Variants in DDX60L observed in about 807,000 individuals in gnomAD.
DDX60L encodes probable ATP-dependent RNA helicase DDX60-like.
A neutral mutation model predicts 211.6 loss-of-function variants in DDX60L; 191 were observed. The observed-to-expected ratio is 0.90, with a 90% CI of 0.80 to 1.02. The LOEUF (loss-of-function observed/expected upper bound fraction) is 1.02, where lower values mean the gene tolerates loss of function less well. DDX60L is among the 50% of genes least tolerant of loss of function. DDX60L has a pLI of 0.00. For missense variants in DDX60L, 2,007 were observed against 1,984.1 expected, an observed-to-expected ratio of 1.01 and a Z score of -0.22; for synonymous variants, 706 against 694.1, an observed-to-expected ratio of 1.02 and a Z score of -0.27.
Position 168,457,924 on chromosome 4 carries a change from CA to C in DDX60L, c.690del (p.Phe230LeufsTer4). The part of the protein sequence containing the change: ...EIRVLVLATH[F>X]EHLKWNDMME... ...ATCATATCATTCCATTTCAAATGTT[CA>C]AAATGAGTTGCTAATACTAAAACCC... On this transcript the variant is annotated frameshift_variant, in exon 6 of 38. Coordinates refer to ENST00000682922, the MANE Select transcript of DDX60L (RefSeq NM_001012967.3). LOFTEE classifies it high-confidence loss of function. The C allele has an allele frequency of 6.4e-7, 1 of 1,561,620 alleles. No individual in the cohort carries two copies. The highest frequency in any genetic ancestry group is 8.7e-7 in the Non-Finnish European group (1 of 1,151,400).
rs878905619 is a variant in DDX60L at position 168,422,508 on chromosome 4, T to C, written c.2244+16A>G. ...AGTCACACTGATTAGAAAAGTACAA[T>C]GTTTGTTGTCATTACCTGCCATGCG... On this transcript the variant is annotated intron_variant, in intron 16 of 37. Coordinates refer to ENST00000682922, the MANE Select transcript of DDX60L (RefSeq NM_001012967.3). 4 of 1,602,632 alleles carry C rather than the reference T, an allele frequency of 2.5e-6. No homozygotes were observed. The highest frequency in any genetic ancestry group is 2.3e-5 in the South Asian group (2 of 88,176).
chr4:168,379,921 G>T, intron 30 of DDX60L, 91 bp from the exon 31 acceptor site: 1 of 796,672 alleles, frequency 1.3e-6, no homozygotes, highest in Non-Finnish European at 1.9e-6. Context: ...ATACTATATA[G>T]ATAAGGTTAC....
intron 36 of DDX60L, among the ~76,000 whole-genome samples, chr4:168,370,763 CTT>C (rs1044765478): frequency 3.5e-4 from 53 of 152,052 alleles, no homozygotes; most frequent in Admixed American, 2.2e-3. Flanking sequence ...ATATTTAAAA[CTT>C]ATTTTTATCA....
intron 37 of DDX60L, among the ~76,000 whole-genome samples, chr4:168,359,657 CTA>C (rs1165655007): frequency 2.6e-5 from 4 of 152,196 alleles, no homozygotes; most frequent in African/African-American, 4.8e-5. Flanking sequence ...AAACATAGAT[CTA>C]TGTCGTACTC....
At chr4:168,387,654 C>G (rs1744135146) in intron 29 of DDX60L, among the ~76,000 whole-genome samples, 1 of 152,108 alleles carries the variant, frequency 6.6e-6, no homozygotes. Context: ...ATGCTGGCTA[C>G]AGAAATTGTG....
At chr4:168,473,543 C>T (rs527597690) in intron 1 of DDX60L, among the ~76,000 whole-genome samples, 6 of 152,258 alleles carry the variant, frequency 3.9e-5, no homozygotes, top group Admixed American at 6.5e-5. Context: ...GGGAGTGTCA[C>T]AGATGACTCC....
At chr4:168,419,805 T>C (rs1204935675) in intron 18 of DDX60L, among the ~76,000 whole-genome samples, 1 of 152,250 alleles carries the variant, frequency 6.6e-6, no homozygotes, top group Non-Finnish European at 1.5e-5. Flanking sequence ...GGTAGTCATT[T>C]AGTAATGCAT....
Position 168,476,592 on chromosome 4 carries a change from G to A in DDX60L, c.-110-3783C>T, listed in dbSNP as rs192726629. Among the ~76,000 whole-genome samples the A allele has an allele frequency of 1.2e-3, 190 of 152,232 alleles. 1 individual carries two copies. The highest frequency in any genetic ancestry group is 2.2e-3 in the Non-Finnish European group (151 of 68,010). On this transcript the variant is annotated intron_variant, in intron 1 of 37. Transcript: ENST00000682922. ...AAGAGGGAATCCTATAGATTAAAAA[G>A]CAAGACATTTATACACCAACTGTAA...
intron 26 of DDX60L, among the ~76,000 whole-genome samples, chr4:168,397,719 G>C (rs976044311): frequency 2.0e-5 from 3 of 152,232 alleles, no homozygotes; most frequent in African/African-American, 7.2e-5. Flanking sequence ...AGAACTGATG[G>C]CAGCAGTGGC....
At chr4:168,421,997 T>G in intron 16 of DDX60L, 88 bp from the exon 17 acceptor site, 1 of 1,532,582 alleles carries the variant, frequency 6.5e-7, no homozygotes. Context: ...TTCTGTCTCC[T>G]GTGCCTGTAT....
intron 19 of DDX60L, among the ~76,000 whole-genome samples, chr4:168,417,076 C>T (rs1749695780): frequency 6.6e-6 from 1 of 152,254 alleles, no homozygotes; most frequent in African/African-American, 2.4e-5. Context: ...GCCACCATCA[C>T]CTGGCTTTCT....
chr4:168,430,096 G>T (rs1031307440), intron 13 of DDX60L, among the ~76,000 whole-genome samples: 3 of 152,206 alleles, frequency 2.0e-5, no homozygotes, highest in Non-Finnish European at 2.9e-5. Flanking sequence ...CTACTTGGGA[G>T]GCTGAGGAAG....
chr4:168,417,595 T>C (rs143921571), intron 19 of DDX60L, among the ~76,000 whole-genome samples: 44 of 152,348 alleles, frequency 2.9e-4, no homozygotes, highest in African/African-American at 9.4e-4. Flanking sequence ...AGAGTTTGTA[T>C]CACAATGTTT....
At chr4:168,422,083 C>A (rs999226979) in intron 16 of DDX60L, among the ~76,000 whole-genome samples, 174 bp from the exon 17 acceptor site, 2 of 152,228 alleles carry the variant, frequency 1.3e-5, no homozygotes, top group Non-Finnish European at 2.9e-5. Context: ...CAGGAAAATA[C>A]CTGGATTACT....
intron 33 of DDX60L, among the ~76,000 whole-genome samples, chr4:168,378,067 T>C (rs1357344598): frequency 6.6e-6 from 1 of 152,186 alleles, no homozygotes; most frequent in Non-Finnish European, 1.5e-5. Context: ...AGTAGGGCTG[T>C]CATTCTATTT....
intron 9 of DDX60L, among the ~76,000 whole-genome samples, chr4:168,444,290 C>A (rs1754407552): frequency 8.2e-6 from 1 of 122,300 alleles, no homozygotes; most frequent in South Asian, 3.1e-4. Flanking sequence ...AAGGCCATTA[C>A]ATAATGGTAA....
At chr4:168,451,498 TTCAAAG>T (rs1755794000) in intron 8 of DDX60L, among the ~76,000 whole-genome samples, 5 of 152,190 alleles carry the variant, frequency 3.3e-5, no homozygotes, top group Non-Finnish European at 5.9e-5. Context: ...CCCTGTCAGT[TTCAAAG>T]CCTAAAGAAC....
intron 37 of DDX60L, among the ~76,000 whole-genome samples, chr4:168,360,142 C>T (rs1738858421): frequency 6.6e-6 from 1 of 152,160 alleles, no homozygotes; most frequent in South Asian, 2.1e-4. Context: ...TCAATCATAG[C>T]ACTTACCACA....
At chr4:168,474,193 G>A (rs1169133799) in intron 1 of DDX60L, among the ~76,000 whole-genome samples, 1 of 152,196 alleles carries the variant, frequency 6.6e-6, no homozygotes, top group Admixed American at 6.5e-5. Context: ...GATTGCTACA[G>A]ACAGTATCTC....
Sources: gnomAD v4.1 joint callset for allele counts (sites outside exome capture counted in the v4.1 genomes callset) on GRCh38, gnomAD v4.1.1 for gene constraint, MANE v1.5 for transcripts, NCBI Gene and HGNC (gene_info 2026-07-23, HGNC 2026-07-21) for gene names.